Variants in BCAN observed in about 807,000 individuals in gnomAD.
BCAN encodes brevican core protein.
A neutral mutation model predicts 92.4 loss-of-function variants in BCAN; 51 were observed. The ratio of observed to expected loss-of-function variants is 0.55; its 90% confidence interval spans 0.44 to 0.70. The LOEUF (loss-of-function observed/expected upper bound fraction) is 0.70, where lower values mean the gene tolerates loss of function less well. Among genes scored for constraint, BCAN ranks in the 30% least tolerant of loss-of-function variants. The pLI is 0.00. For missense variants in BCAN, 1,140 were observed against 1,212.1 expected (o/e 0.94, Z 0.88); for synonymous variants, 501 against 505.2 (o/e 0.99, Z 0.11).
At position 156,652,945 on chromosome 1, in the gene BCAN, C is replaced by T. The variant is rs772859483; in HGVS notation, c.1942+53C>T. On this transcript the variant is annotated intron_variant, in intron 8 of 13. Coordinates refer to ENST00000329117, the MANE Select transcript of BCAN (RefSeq NM_021948.5). ...TCTCTATCCTACTCCTTTTCTTCCC[C>T]CTGCAGCTCTGGGTCACCTGACCTG... The T allele has an allele frequency of 8.1e-6, 13 of 1,599,540 alleles. No homozygotes were observed. The East Asian group carries it at 9.0e-5, about 11-fold the overall frequency.
chr1:156,652,282 G>T lies in BCAN; in HGVS notation c.1332G>T (p.Gly444=). The change falls in exon 8 of 14, where the codon GGG becomes GGT. Residue 444 remains glycine (G), a synonymous_variant. Transcript: ENST00000329117. ...FETQSMVPPT[G]FSEEEGKALE... is the part of the protein sequence containing the mutation. ...CACAATCCATGGTACCGCCCACGGG[G>T]TTCTCAGAAGAGGAAGGTAAGGCAT... 1 of 1,608,654 alleles carries T rather than the reference G, an allele frequency of 6.2e-7. No individual in the cohort carries two copies. The highest frequency in any genetic ancestry group is 2.2e-5 in the East Asian group (1 of 44,880).
At position 156,642,412 on chromosome 1, in the gene BCAN, C is replaced by T. The variant is rs942211695; in HGVS notation, c.-9+137C>T. Reference sequence around the variant, plus strand: ...CACCCAACTCGTCGACTCCTGACACCGCAGCGGGGTAGGCTGCTGGACAGC... The same window carrying T: ...CACCCAACTCGTCGACTCCTGACACTGCAGCGGGGTAGGCTGCTGGACAGC... On this transcript the variant is annotated intron_variant, in intron 1 of 13. Coordinates refer to ENST00000329117, the MANE Select transcript of BCAN (RefSeq NM_021948.5). This position sits in a 1 kb window ranked among gnomAD's most constrained non-coding sequence, Gnocchi z 4.2. The T allele has an allele frequency of 3.3e-5, 5 of 152,510 alleles. No homozygotes were observed. Among genetic ancestry groups the T allele is most frequent in the African/African-American group, 9.6e-5 (4 of 41,460 alleles). 9.4% of individuals were successfully genotyped at this position (152,510 alleles called of 1,614,324 possible).
rs774591218 is a variant in BCAN, at chr1:156,652,640, G to C, written c.1690G>C (p.Glu564Gln). The change falls in exon 8 of 14, where the codon GAG (glutamate) becomes CAG (glutamine). Residue 564 changes from glutamate to glutamine, a missense_variant. This residue lies in a region of BCAN where 825 missense variants were observed against 871.8 expected (regional missense o/e 0.95). Transcript: ENST00000329117. ...ACCTTCCACTCTGGTTGAGGCAAGA[G>C]AGGTGGGGGAGGCAACTGGTGGTCC... ...PSPSTLVEAR[E>Q]VGEATGGPEL... The C allele has an allele frequency of 6.2e-7, 1 of 1,613,940 alleles. No homozygotes were observed. Among genetic ancestry groups the C allele is most frequent in the East Asian group, 2.2e-5 (1 of 44,886 alleles).
chr1:156,646,220 C>A, intron 2 of BCAN, 75 bp downstream of exon 2: 1 of 1,423,842 alleles, frequency 7.0e-7, no homozygotes, highest in South Asian at 1.2e-5. Context: ...TTAGGGGCCC[C>A]AGGAAGAGAG....
Position 156,642,287 on chromosome 1 carries a change from C to G in BCAN, c.-9+12C>G, listed in dbSNP as rs900541419. ...CCAGCCCTGGGTAGGTGAGTGCCTC[C>G]GCAGCCCCGCCGCCCGCCGTGGGGT... is the stretch of plus-strand genomic sequence containing the variant. On this transcript the variant is annotated intron_variant, in intron 1 of 13. Transcript: ENST00000329117. The surrounding 1 kb of genome is among the most constrained non-coding windows in gnomAD (Gnocchi z 4.2). 19 of 152,408 alleles carry G rather than the reference C, an allele frequency of 1.2e-4. No individual in the cohort carries two copies. The highest frequency in any genetic ancestry group is 4.6e-4 in the African/African-American group (19 of 41,438). The allele number at this position is 152,408 out of a possible 1,614,324, so 9.4% of individuals were successfully genotyped here.
In BCAN at chr1:156,647,396, T is replaced by C; in HGVS notation, c.467-112T>C. On this transcript the variant is annotated intron_variant, in intron 3 of 13. Transcript: ENST00000329117. The surrounding 1 kb of genome is among the most constrained non-coding windows in gnomAD (Gnocchi z 4.8). ...AACTTAAGTCCCTCATGCTGTAGAG[T>C]GAGCACAATTGAACTTTATTTACCC... 1 of 1,228,570 alleles carries C rather than the reference T, an allele frequency of 8.1e-7. No homozygotes were observed. The highest frequency in any genetic ancestry group is 1.5e-5 in the African/African-American group (1 of 65,888). The allele number at this position is 1,228,570 out of a possible 1,614,324, so 76.1% of individuals were successfully genotyped here. A position where few individuals can be genotyped will look rare whatever the true frequency, so the allele number is the denominator to read the frequency against.
chr1:156,650,587 G>C (rs150014049), intron 6 of BCAN, among the ~76,000 whole-genome samples: 18 of 152,312 alleles, frequency 1.2e-4, no homozygotes, highest in African/African-American at 4.3e-4. Context: ...CTCAGGTGAT[G>C]CCTGAAGTTA....
At position 156,647,502 on chromosome 1, in the gene BCAN, C is replaced by T; in HGVS notation, c.467-6C>T. On this transcript the variant is annotated splice_polypyrimidine_tract_variant and splice_region_variant and intron_variant, in intron 3 of 13. Transcript: ENST00000329117. This position sits in a 1 kb window ranked among gnomAD's most constrained non-coding sequence, Gnocchi z 4.8. ...ACCTGGCTCAGGGGTCCTCTCTGCC[C>T]CACAGGGGTCGTCTTTCTCTACCGA... The T allele has an allele frequency of 6.4e-7, 1 of 1,553,012 alleles. No individual in the cohort carries two copies. The highest frequency in any genetic ancestry group is 8.7e-7 in the Non-Finnish European group (1 of 1,151,832).
intron 2 of BCAN, 114 bp downstream of exon 2, chr1:156,646,259 A>C: frequency 1.1e-5 from 11 of 962,416 alleles, no homozygotes; most frequent in Non-Finnish European, 1.7e-5. Context: ...GGAAGCGTCC[A>C]GGCTGGAACA....
rs1678954389 is a variant in BCAN, at chr1:156,646,115, T to C, written c.61T>C (p.Leu21=). 1.2e-6 allele frequency: 2 copies of C among 1,613,844 alleles called. No homozygotes were observed. Among genetic ancestry groups the C allele is most frequent in the Non-Finnish European group, 1.7e-6 (2 of 1,179,776 alleles). The stretch of plus-strand genomic sequence containing the variant: ...GGTCCTGGCCCAGGCTCCTGCAGCT[T>C]TAGCAGATGTTCTGGAAGGAGACAG... ...ALVLAQAPAA[L]ADVLEGDSSE... Residue 21 remains leucine, a synonymous_variant, in exon 2 of 14, where the codon TTA becomes CTA. Coordinates refer to ENST00000329117, the MANE Select transcript of BCAN (RefSeq NM_021948.5).
intron 6 of BCAN, among the ~76,000 whole-genome samples, chr1:156,649,377 A>G (rs1240063209): frequency 2.0e-5 from 3 of 152,222 alleles, no homozygotes; most frequent in Non-Finnish European, 2.9e-5. Flanking sequence ...AGTTGGGAAT[A>G]GAGATAGCTT....
chr1:156,658,010 A>G lies in BCAN; in HGVS notation c.2293-117A>G. The G allele has an allele frequency of 8.1e-7, 1 of 1,229,810 alleles. No individual in the cohort carries two copies. Among genetic ancestry groups the G allele is most frequent in the South Asian group, 1.5e-5 (1 of 67,706 alleles). 76.2% of individuals were successfully genotyped at this position (1,229,810 alleles called of 1,614,324 possible). Reference sequence around the variant, plus strand: ...TTCCCCGGGAGATCCCCTACCCCCTAGCCCTAACCTTCCCTCTCCTGGGGC... The same window carrying G: ...TTCCCCGGGAGATCCCCTACCCCCTGGCCCTAACCTTCCCTCTCCTGGGGC... On this transcript the variant is annotated intron_variant, in intron 11 of 13. Coordinates refer to ENST00000329117, the MANE Select transcript of BCAN (RefSeq NM_021948.5). This position sits in a 1 kb window ranked among gnomAD's most constrained non-coding sequence, Gnocchi z 4.4.
chr1:156,642,462 C>T lies in BCAN; in HGVS notation c.-9+187C>T, dbSNP rs1678819619. On this transcript the variant is annotated intron_variant, in intron 1 of 13. Coordinates refer to ENST00000329117, the MANE Select transcript of BCAN (RefSeq NM_021948.5). The surrounding 1 kb of genome is among the most constrained non-coding windows in gnomAD (Gnocchi z 4.2). ...CCCCGAGCGCCTGCAGCTGCTGCTG[C>T]CATCTCTGATCTACATGCTTCCAGC... The T allele has an allele frequency of 6.6e-6, 1 of 152,406 alleles. No homozygotes were observed. The highest frequency in any genetic ancestry group is 1.5e-5 in the Non-Finnish European group (1 of 68,182). The allele number at this position is 152,406 out of a possible 1,614,324, so 9.4% of individuals were successfully genotyped here.
rs984570680 is a variant in BCAN at position 156,647,305 on chromosome 1, T to C, written c.466+130T>C. On this transcript the variant is annotated intron_variant, in intron 3 of 13. Transcript: ENST00000329117. This position sits in a 1 kb window ranked among gnomAD's most constrained non-coding sequence, Gnocchi z 4.8. The stretch of plus-strand genomic sequence containing the variant: ...GGCGCAGCCTGGGTTGGAAAAAGAG[T>C]GAGGAGACACGGGCCTTTGTTGTCT... The C allele has an allele frequency of 3.2e-6, 4 of 1,250,610 alleles. No individual in the cohort carries two copies. The African/African-American group carries it at 6.1e-5, about 19-fold the overall frequency. 77.5% of individuals were successfully genotyped at this position (1,250,610 alleles called of 1,614,324 possible).
At position 156,658,717 on chromosome 1, in the gene BCAN, G is replaced by T; in HGVS notation, c.2612G>T (p.Cys871Phe). 6.2e-7 allele frequency: 1 copy of T among 1,614,058 alleles called. No homozygotes were observed. Among genetic ancestry groups the T allele is most frequent in the Non-Finnish European group, 8.5e-7 (1 of 1,180,044 alleles). The stretch of plus-strand genomic sequence containing the variant: ...CGTTGGGAGGCCCCCCAGATCTCCT[G>T]TGTGCCCAGAAGACCTGTGAGTGCC... ...NGRWEAPQISCVPRRPARALH... is the reference protein window; with the variant it reads ...NGRWEAPQISFVPRRPARALH... The change falls in exon 13 of 14, where the codon TGT becomes TTT. Residue 871 changes from cysteine (C) to phenylalanine (F), a missense_variant. Physicochemically the swap from Cys to Phe is radical, Grantham distance 205. Transcript: ENST00000329117. The surrounding 1 kb of genome is among the most constrained non-coding windows in gnomAD (Gnocchi z 4.4).
rs778048576 is a variant in BCAN at position 156,658,649 on chromosome 1, G to A, written c.2544G>A (p.Leu848=). 6.2e-6 allele frequency: 10 copies of A among 1,614,160 alleles called. No individual in the cohort carries two copies. The highest frequency in any genetic ancestry group is 1.6e-4 in the Middle Eastern group (1 of 6,062). Residue 848 remains leucine (L), a synonymous_variant, in exon 13 of 14, where the codon CTG becomes CTA. Transcript: ENST00000329117. This position sits in a 1 kb window ranked among gnomAD's most constrained non-coding sequence, Gnocchi z 4.4. The part of the protein sequence containing the change: ...TVLRYRCREG[L]AQRNLPLIRC... ...TTCGCTACCGGTGCCGGGAAGGACT[G>A]GCCCAGCGCAATCTGCCGCTGATCC...
chr1:156,657,805 C>A (rs767616467), intron 11 of BCAN, 48 bp downstream of exon 11: 2 of 1,508,372 alleles, frequency 1.3e-6, no homozygotes, highest in Non-Finnish European at 1.8e-6. Context: ...TTCCTCTAAG[C>A]ACTTCTGTTC....
At chr1:156,645,932 G>A (rs1678946275) in intron 1 of BCAN, 115 bp from the exon 2 acceptor site, 6 of 770,938 alleles carry the variant, frequency 7.8e-6, no homozygotes, top group Non-Finnish European at 1.0e-5. Flanking sequence ...TGATGTGAAG[G>A]TAGGGGACTT....
At chr1:156,654,421 T>G (rs1287954116) in intron 8 of BCAN, among the ~76,000 whole-genome samples, 1 of 152,172 alleles carries the variant, frequency 6.6e-6, no homozygotes, top group Non-Finnish European at 1.5e-5. Flanking sequence ...ATTGGAGGTA[T>G]CTACAGTGTC....
Sources: allele counts gnomAD v4.1 joint callset (sites outside exome capture counted in the v4.1 genomes callset), GRCh38; gene constraint gnomAD v4.1.1; regional missense constraint gnomAD v4.1.1; non-coding constraint Gnocchi (gnomAD v3.1); transcripts MANE v1.5; gene names NCBI Gene and HGNC (gene_info 2026-07-23, HGNC 2026-07-21).